The following PPEF1 variants were observed in gnomAD, a reference collection of about 807,000 sequenced individuals.
The protein encoded by PPEF1 is protein phosphatase with EF-hand domain 1, also known as serine/threonine-protein phosphatase with EF-hands 1.
PPEF1 carries 12 observed loss-of-function variants against 53.3 expected under a neutral mutation model. That is an observed-to-expected ratio of 0.23 (90% CI 0.14 to 0.36). The LOEUF (loss-of-function observed/expected upper bound fraction) is 0.36. PPEF1 is among the 10% of genes least tolerant of loss of function. PPEF1 has a pLI of 1.00. For missense variants in PPEF1, 334 were observed against 490.4 expected (o/e 0.68, Z 3.01); for synonymous variants, 165 against 176.7 (o/e 0.93, Z 0.52).
intron 7 of PPEF1, 41 bp downstream of exon 7, chrX:18,779,217 A>T: frequency 9.1e-7 from 1 of 1,102,438 alleles, no homozygotes. Flanking sequence ...AAAGTTTCGC[A>T]CTCTGGAAAA....
At chrX:18,683,203 A>G (rs1456910192) in intron 1 of PPEF1, among the ~76,000 whole-genome samples, 2 of 111,504 alleles carry the variant, frequency 1.8e-5, no homozygotes. Context: ...GCCAAACCGT[A>G]TCACCTGGGT....
chrX:18,712,996 G>A (rs1295283575), intron 1 of PPEF1, among the ~76,000 whole-genome samples: 1 of 111,619 alleles, frequency 9.0e-6, no homozygotes, highest in Non-Finnish European at 1.9e-5. Flanking sequence ...GGTGTATAAT[G>A]CTTTTTATAT....
At chrX:18,788,805 C>T (rs1311532880) in intron 9 of PPEF1, among the ~76,000 whole-genome samples, 3 of 112,421 alleles carry the variant, frequency 2.7e-5, no homozygotes, top group African/African-American at 9.7e-5. Flanking sequence ...TTGCCCCTAC[C>T]TTGGTATCTT....
intron 1 of PPEF1, among the ~76,000 whole-genome samples, chrX:18,728,764 G>T (rs973430799): frequency 9.0e-6 from 1 of 111,428 alleles, no homozygotes; most frequent in Non-Finnish European, 1.9e-5. Flanking sequence ...CCAGGTCCTG[G>T]GATATTCTGT....
chrX:18,732,552 GGT>G (rs1173862310), intron 2 of PPEF1, among the ~76,000 whole-genome samples: 1 of 111,873 alleles, frequency 8.9e-6, no homozygotes, highest in Non-Finnish European at 1.9e-5. Flanking sequence ...TATCGTAGTG[GGT>G]GTGAAGTGAT....
chrX:18,715,203 G>A (rs2044426538), intron 1 of PPEF1, among the ~76,000 whole-genome samples: 1 of 110,807 alleles, frequency 9.0e-6, no homozygotes, highest in Non-Finnish European at 1.9e-5. Context: ...CTGCACTCCA[G>A]CCAGGACCAC....
intron 3 of PPEF1, among the ~76,000 whole-genome samples, chrX:18,687,025 A>G (rs1477368389): frequency 9.0e-6 from 1 of 111,593 alleles, no homozygotes; most frequent in Non-Finnish European, 1.9e-5. Flanking sequence ...TGTGCATGAG[A>G]TGGCTGCTCC....
intron 6 of PPEF1, among the ~76,000 whole-genome samples, chrX:18,765,624 A>G (rs2045750000): frequency 8.9e-6 from 1 of 112,041 alleles, no homozygotes; most frequent in Non-Finnish European, 1.9e-5. Flanking sequence ...AGAAAATAGC[A>G]ACAATGATAA....
intron 7 of PPEF1, among the ~76,000 whole-genome samples, chrX:18,781,231 G>C (rs866508403): frequency 2.6e-4 from 29 of 110,639 alleles, no homozygotes; most frequent in Middle Eastern, 4.6e-3. Context: ...AGGTACTATT[G>C]AGTAGGCAGT....
At chrX:18,686,431 T>A (rs2147231133) in intron 3 of PPEF1, among the ~76,000 whole-genome samples, 1 of 111,564 alleles carries the variant, frequency 9.0e-6, no homozygotes, top group Admixed American at 9.6e-5. Context: ...TCACTCATAA[T>A]ATCTTTCTTT....
At chrX:18,766,588 C>G (rs953736640) in intron 6 of PPEF1, among the ~76,000 whole-genome samples, 1 of 111,948 alleles carries the variant, frequency 8.9e-6, no homozygotes, top group Non-Finnish European at 1.9e-5. Flanking sequence ...ACCCTACTCA[C>G]AGGACAGGCC....
intron 1 of PPEF1, among the ~76,000 whole-genome samples, chrX:18,726,972 A>C (rs964241443): frequency 8.9e-6 from 1 of 112,230 alleles, no homozygotes; most frequent in Non-Finnish European, 1.9e-5. Context: ...AAGCTTGTTT[A>C]TTTGTTATTG....
chrX:18,822,197 CAAG>C (rs781042286), intron 13 of PPEF1, among the ~76,000 whole-genome samples: 1 of 111,931 alleles, frequency 8.9e-6, no homozygotes, highest in Non-Finnish European at 1.9e-5. Context: ...GCTGTAGAAA[CAAG>C]AAGCAAGGCA....
At chrX:18,749,643 G>A (rs2045398732) in intron 3 of PPEF1, 149 bp from the exon 4 acceptor site, 1 of 426,457 alleles carries the variant, frequency 2.3e-6, no homozygotes, top group South Asian at 4.4e-5. Context: ...ATTCCTCGTG[G>A]TTATATGTGG....
At chrX:18,675,319 G>T (rs887703523), upstream of PPEF1, among the ~76,000 whole-genome samples, 3 of 113,696 alleles carry the variant, frequency 2.6e-5, no homozygotes, top group Admixed American at 2.7e-4. Context: ...CTCCGCCCGC[G>T]AGGGCCCCGC....
chrX:18,675,117 C>T (rs867308215), upstream of PPEF1, among the ~76,000 whole-genome samples: 1 of 113,006 alleles, frequency 8.8e-6, no homozygotes, highest in Non-Finnish European at 1.9e-5. Flanking sequence ...TCTCGGGCTC[C>T]GGCGTTTGGG....
intron 6 of PPEF1, among the ~76,000 whole-genome samples, chrX:18,776,854 A>G (rs978828736): frequency 6.2e-5 from 7 of 112,001 alleles, no homozygotes; most frequent in Admixed American, 2.8e-4. Flanking sequence ...TGGGAGGCGG[A>G]GGTTGCGGTG....
intron 4 of PPEF1, 87 bp from the exon 5 acceptor site, chrX:18,757,540 G>A: frequency 3.0e-6 from 2 of 659,983 alleles, no homozygotes; most frequent in Non-Finnish European, 4.9e-6. Context: ...TGAAACGTGC[G>A]TGCTTGCTCC....
chrX:18,725,454 G>A (rs1006818491), intron 1 of PPEF1, among the ~76,000 whole-genome samples: 2 of 111,699 alleles, frequency 1.8e-5, no homozygotes, highest in Admixed American at 9.5e-5. Flanking sequence ...AACTGGATCC[G>A]ACGACTGTTA....
Sources: allele counts gnomAD v4.1 joint callset (sites outside exome capture counted in the v4.1 genomes callset), GRCh38; gene constraint gnomAD v4.1.1; transcripts MANE v1.5; gene names NCBI Gene and HGNC (gene_info 2026-07-23, HGNC 2026-07-21).